Variants in EPC2 observed in about 807,000 individuals in gnomAD.
EPC2 encodes the protein enhancer of polycomb 2.
Under a neutral mutation model 92.1 loss-of-function variants are expected in EPC2, and 14 were observed. The observed-to-expected ratio is 0.15, with a 90% confidence interval of 0.10 to 0.24. EPC2 has a LOEUF of 0.24. Ranked by LOEUF, EPC2 falls within the 10% of genes least tolerant of loss-of-function variation. The pLI is 1.00. For synonymous variants in EPC2, 340 were observed against 334.7 expected (o/e 1.02, Z -0.17); for missense variants, 755 against 971.5 (o/e 0.78, Z 2.96).
intron 1 of EPC2, among the ~76,000 whole-genome samples, chr2:148,660,576 T>G (rs905180712): frequency 1.2e-4 from 18 of 152,052 alleles, no homozygotes; most frequent in African/African-American, 2.4e-4. Flanking sequence ...AGTCAGAGTT[T>G]TTTTTTTTTT....
chr2:148,668,142 C>G (rs1190158108), intron 1 of EPC2, among the ~76,000 whole-genome samples: 1 of 152,162 alleles, frequency 6.6e-6, no homozygotes, highest in Non-Finnish European at 1.5e-5. Context: ...TGTGATCCAC[C>G]TGCCTCGGCC....
At chr2:148,669,947 T>G (rs956894030) in intron 1 of EPC2, among the ~76,000 whole-genome samples, 2 of 152,182 alleles carry the variant, frequency 1.3e-5, no homozygotes, top group Admixed American at 6.5e-5. Flanking sequence ...TCGGGTAGTT[T>G]CTTCACACAG....
Position 148,748,562 on chromosome 2 carries a change from G to A in EPC2, c.459+4795G>A, listed in dbSNP as rs569615089. On this transcript the variant is annotated intron_variant, in intron 3 of 13. Transcript: ENST00000258484. ...AAATGTTTGGGACCAGAAGTGTTTT[G>A]GGTTTTAGATTATTTCACATTTTGG... is the stretch of plus-strand genomic sequence containing the variant. Among the ~76,000 whole-genome samples, 4 of 152,038 alleles carry A rather than the reference G, an allele frequency of 2.6e-5. No homozygotes were observed. The South Asian group carries it at 6.2e-4, about 24-fold the overall frequency.
chr2:148,677,791 A>T (rs1438828892), intron 1 of EPC2, among the ~76,000 whole-genome samples: 1 of 150,882 alleles, frequency 6.6e-6, no homozygotes, highest in Non-Finnish European at 1.5e-5. Flanking sequence ...TGAGTGTTAC[A>T]GCTCTTAAGG....
chr2:148,767,103 C>T (rs1021321783), intron 7 of EPC2, among the ~76,000 whole-genome samples: 5 of 150,850 alleles, frequency 3.3e-5, no homozygotes, highest in East Asian at 2.0e-4. Flanking sequence ...GAGGCTGAGG[C>T]GGGAGGATTG....
chr2:148,783,802 C>A, intron 12 of EPC2, 46 bp downstream of exon 12: 1 of 1,540,258 alleles, frequency 6.5e-7, no homozygotes, highest in East Asian at 2.4e-5. Flanking sequence ...GAAGTTGTAA[C>A]TCAGTGATTG....
chr2:148,678,071 T>C (rs908774822), intron 1 of EPC2, among the ~76,000 whole-genome samples: 2 of 152,206 alleles, frequency 1.3e-5, no homozygotes, highest in African/African-American at 2.4e-5. Flanking sequence ...TTGGTAGAGC[T>C]GAGTGGTCTG....
chr2:148,763,182 A>G (rs1434592648), intron 6 of EPC2, among the ~76,000 whole-genome samples: 1 of 152,158 alleles, frequency 6.6e-6, no homozygotes, highest in Non-Finnish European at 1.5e-5. Flanking sequence ...GGAAGGAATC[A>G]ACACCTCAAA....
chr2:148,753,178 T>G (rs999354697), intron 3 of EPC2, among the ~76,000 whole-genome samples: 1 of 152,200 alleles, frequency 6.6e-6, no homozygotes, highest in African/African-American at 2.4e-5. Flanking sequence ...ATTTGAGATG[T>G]GTCAGCATTA....
chr2:148,710,550 G>A (rs547663086), intron 2 of EPC2, among the ~76,000 whole-genome samples: 1 of 152,164 alleles, frequency 6.6e-6, no homozygotes, highest in Non-Finnish European at 1.5e-5. Flanking sequence ...ACATGCATAC[G>A]TATGTTTATT....
intron 2 of EPC2, among the ~76,000 whole-genome samples, chr2:148,693,756 T>C (rs945299793): frequency 1.3e-5 from 2 of 152,224 alleles, no homozygotes; most frequent in Non-Finnish European, 2.9e-5. Flanking sequence ...GAGTTATGCC[T>C]TATTTTGTTA....
intron 10 of EPC2, among the ~76,000 whole-genome samples, chr2:148,775,703 TC>T (rs1448822272): frequency 0.016 from 1,482 of 89,940 alleles, 22 homozygotes; most frequent in African/African-American, 0.042. Context: ...AAATTAAATA[TC>T]TTTATTAAAT....
intron 2 of EPC2, among the ~76,000 whole-genome samples, chr2:148,738,442 A>C (rs1345229886): frequency 2.6e-5 from 4 of 152,234 alleles, no homozygotes; most frequent in African/African-American, 9.6e-5. Flanking sequence ...AATTCACAGA[A>C]TTAAGTTAGA....
At chr2:148,703,617 C>T (rs1681931879) in intron 2 of EPC2, among the ~76,000 whole-genome samples, 1 of 152,124 alleles carries the variant, frequency 6.6e-6, no homozygotes, top group African/African-American at 2.4e-5. Context: ...CAGCTTTGAC[C>T]TCCCAGGCTC....
At chr2:148,725,040 G>A (rs181260751) in intron 2 of EPC2, among the ~76,000 whole-genome samples, 1 of 152,014 alleles carries the variant, frequency 6.6e-6, no homozygotes, top group African/African-American at 2.4e-5. Flanking sequence ...TTGGTATATA[G>A]TGTTAAGAGA....
At chr2:148,652,221 A>G (rs943341772) in intron 1 of EPC2, among the ~76,000 whole-genome samples, 5 of 152,188 alleles carry the variant, frequency 3.3e-5, no homozygotes, top group African/African-American at 9.7e-5. Flanking sequence ...GCCCTGAGAG[A>G]TCTGCTACCG....
intron 10 of EPC2, among the ~76,000 whole-genome samples, chr2:148,774,624 T>TATA (rs935978031): frequency 6.0e-5 from 8 of 132,574 alleles, no homozygotes; most frequent in African/African-American, 1.9e-4. Context: ...AAAATATATT[T>TATA]TATATATATA....
intron 2 of EPC2, among the ~76,000 whole-genome samples, chr2:148,741,697 C>T (rs935437512): frequency 6.6e-6 from 1 of 152,122 alleles, no homozygotes; most frequent in African/African-American, 2.4e-5. Flanking sequence ...TACTGCCTTA[C>T]TCTAAATCTT....
Position 148,783,694 on chromosome 2 carries a change from G to C in EPC2, c.1955G>C (p.Ser652Thr), listed in dbSNP as rs764173059. 6.3e-7 allele frequency: 1 copy of C among 1,595,974 alleles called. No individual in the cohort carries two copies. Among genetic ancestry groups the C allele is most frequent in the Non-Finnish European group, 8.5e-7 (1 of 1,170,524 alleles). ...AVVSAPVPSRSEVAKEQNTGH... is the reference protein window; with the variant it reads ...AVVSAPVPSRTEVAKEQNTGH... ...GTCAGTGCACCTGTTCCAAGTCGCA[G>C]TGAGGTAGCCAAGGAACAGAACACT... The change falls in exon 12 of 14, where the codon AGT becomes ACT. Residue 652 changes from serine to threonine, a missense_variant. Coordinates refer to ENST00000258484, the MANE Select transcript of EPC2 (RefSeq NM_015630.4).
Sources: gnomAD v4.1 joint callset for allele counts (sites outside exome capture counted in the v4.1 genomes callset) on GRCh38, gnomAD v4.1.1 for gene constraint, MANE v1.5 for transcripts, NCBI Gene and HGNC (gene_info 2026-07-23, HGNC 2026-07-21) for gene names.